EFNA5: variants seen among roughly 807,000 people sequenced by gnomAD.
EFNA5 encodes ephrin A5, also known as ephrin-A5.
EFNA5 carries 5 observed loss-of-function variants against 22.9 expected under a neutral mutation model. The observed-to-expected ratio is 0.22, with a 90% CI of 0.11 to 0.46. The LOEUF (loss-of-function observed/expected upper bound fraction) is 0.46, where lower values mean the gene tolerates loss of function less well. EFNA5 is among the 20% of genes least tolerant of loss of function. The pLI, the probability that EFNA5 is intolerant of heterozygous loss-of-function variation, is 0.99. For missense variants in EFNA5, 237 were observed against 293.3 expected (o/e 0.81, Z 1.40); for synonymous variants, 113 against 112.2 (o/e 1.01, Z -0.04).
At chr5:107,492,221 T>C (rs1241612712) in intron 1 of EFNA5, among the ~76,000 whole-genome samples, 2 of 152,322 alleles carry the variant, frequency 1.3e-5, no homozygotes, top group East Asian at 3.9e-4. Flanking sequence ...TTCAGTCTTA[T>C]AAAGTTACAA....
chr5:107,650,641 A>T (rs1007953779), intron 1 of EFNA5, among the ~76,000 whole-genome samples: 8 of 152,204 alleles, frequency 5.3e-5, no homozygotes, highest in African/African-American at 9.6e-5. Flanking sequence ...GTAAACCAAA[A>T]CTGACTTTAA....
chr5:107,595,136 T>G (rs576545919), intron 1 of EFNA5, among the ~76,000 whole-genome samples: 82 of 141,502 alleles, frequency 5.8e-4, no homozygotes, highest in African/African-American at 2.6e-3. Flanking sequence ...ACCTTTGGTT[T>G]AATTTTTTTT....
In EFNA5 at chr5:107,381,102, GTTGC is replaced by G. The variant is rs1471892018; in HGVS notation, c.*149_*152del. On this transcript the variant is annotated 3_prime_UTR_variant, in exon 5 of 5. Coordinates refer to ENST00000333274, the MANE Select transcript of EFNA5 (RefSeq NM_001962.3). ...AAGTTTAGGCCCCCAACCTGAAGTT[GTTGC>G]TTAGAATTCAGGCTGAAAGAAAGAA... 8.6e-7 allele frequency: 1 copy of G among 1,165,522 alleles called. No individual in the cohort carries two copies. The highest frequency in any genetic ancestry group is 2.5e-5 in the East Asian group (1 of 40,560). The allele number at this position is 1,165,522 out of a possible 1,614,324, so 72.2% of individuals were successfully genotyped here. A position where few individuals can be genotyped will look rare whatever the true frequency, so the allele number is the denominator to read the frequency against.
chr5:107,440,293 C>A (rs1372719053), intron 1 of EFNA5, among the ~76,000 whole-genome samples: 4 of 152,202 alleles, frequency 2.6e-5, no homozygotes, highest in Admixed American at 6.5e-5. Flanking sequence ...TACAATATTT[C>A]TACCTACTTA....
In EFNA5 at chr5:107,563,787, T is replaced by C. The variant is rs543449489; in HGVS notation, c.125+106702A>G. Among the ~76,000 whole-genome samples the C allele has an allele frequency of 2.0e-5, 3 of 152,272 alleles. No homozygotes were observed. The East Asian group carries it at 5.8e-4, about 29-fold the overall frequency. On this transcript the variant is annotated intron_variant, in intron 1 of 4. Transcript: ENST00000333274. ...GAGTCTCCTTGTATCTAAATTTACA[T>C]CCCTCTTGCTTGCACTGTGGCAGCA... is the stretch of plus-strand genomic sequence containing the variant.
intron 1 of EFNA5, among the ~76,000 whole-genome samples, chr5:107,434,844 T>C (rs141605038): frequency 4.9e-4 from 74 of 152,342 alleles, no homozygotes; most frequent in Admixed American, 1.6e-3. Flanking sequence ...TTTTAATCTG[T>C]CAAAGAGGTG....
chr5:107,537,030 A>G (rs1747944674), intron 1 of EFNA5, among the ~76,000 whole-genome samples: 1 of 151,626 alleles, frequency 6.6e-6, no homozygotes, highest in Non-Finnish European at 1.5e-5. Flanking sequence ...GCTTGAACCC[A>G]GGAGGCGGAG....
chr5:107,466,112 A>C (rs1477835547), intron 1 of EFNA5, among the ~76,000 whole-genome samples: 1 of 152,144 alleles, frequency 6.6e-6, no homozygotes, highest in Non-Finnish European at 1.5e-5. Context: ...AGCACTTTTC[A>C]TCACACCTTG....
At chr5:107,645,093 A>G (rs185054057) in intron 1 of EFNA5, among the ~76,000 whole-genome samples, 25 of 152,334 alleles carry the variant, frequency 1.6e-4, no homozygotes, top group Non-Finnish European at 2.8e-4. Context: ...TGCTGCACCT[A>G]TCAATCCATC....
At chr5:107,520,767 C>A (rs756373408) in intron 1 of EFNA5, among the ~76,000 whole-genome samples, 7 of 152,138 alleles carry the variant, frequency 4.6e-5, no homozygotes, top group Non-Finnish European at 7.4e-5. Context: ...ACCAGATCTG[C>A]CTTAAGCAGA....
chr5:107,491,402 C>T (rs1239858551), intron 1 of EFNA5, among the ~76,000 whole-genome samples: 1 of 152,172 alleles, frequency 6.6e-6, no homozygotes, highest in East Asian at 1.9e-4. Flanking sequence ...ACCTCTGCCT[C>T]CCGGGTTCAA....
chr5:107,633,177 T>C (rs1364231830), intron 1 of EFNA5, among the ~76,000 whole-genome samples: 1 of 152,206 alleles, frequency 6.6e-6, no homozygotes, highest in African/African-American at 2.4e-5. Context: ...TTATCCTTAA[T>C]ACCAATGGGG....
intron 1 of EFNA5, among the ~76,000 whole-genome samples, chr5:107,443,390 C>T (rs1348481494): frequency 6.6e-6 from 1 of 152,198 alleles, no homozygotes; most frequent in Non-Finnish European, 1.5e-5. Context: ...CACTTGCTGT[C>T]CTCTGACATG....
chr5:107,464,919 T>C (rs1366712209), intron 1 of EFNA5, among the ~76,000 whole-genome samples: 1 of 152,176 alleles, frequency 6.6e-6, no homozygotes, highest in Non-Finnish European at 1.5e-5. Context: ...CAGCCATCCC[T>C]CTGCCTGAAG....
intron 1 of EFNA5, among the ~76,000 whole-genome samples, chr5:107,640,215 C>T (rs1245800363): frequency 6.6e-6 from 1 of 152,020 alleles, no homozygotes; most frequent in African/African-American, 2.4e-5. Flanking sequence ...AACTAAAGTG[C>T]CCAGGAACAG....
At chr5:107,637,488 G>T (rs1010513515) in intron 1 of EFNA5, among the ~76,000 whole-genome samples, 1 of 150,832 alleles carries the variant, frequency 6.6e-6, no homozygotes, top group African/African-American at 2.4e-5. Flanking sequence ...AATATTCACA[G>T]CAAGGCACTG....
At position 107,446,207 on chromosome 5, in the gene EFNA5, T is replaced by C. The variant is rs185185657; in HGVS notation, c.126-18698A>G. On this transcript the variant is annotated intron_variant, in intron 1 of 4. Transcript: ENST00000333274. ...AATGATGACTAAAAGTACAGTGCTT[T>C]GTACAGTGCCTGACAAATGATTAAG... Among the ~76,000 whole-genome samples the C allele has an allele frequency of 1.1e-3, 174 of 152,326 alleles. 1 individual carries two copies. Among genetic ancestry groups the C allele is most frequent in the African/African-American group, 3.3e-3 (138 of 41,572 alleles).
intron 2 of EFNA5, among the ~76,000 whole-genome samples, chr5:107,413,795 G>A (rs1232183369): frequency 6.6e-6 from 1 of 152,152 alleles, no homozygotes; most frequent in Admixed American, 6.5e-5. Context: ...TACAGGTAAA[G>A]CAATGAGACA....
chr5:107,534,733 G>A (rs1160220677), intron 1 of EFNA5, among the ~76,000 whole-genome samples: 2 of 152,086 alleles, frequency 1.3e-5, no homozygotes, highest in Non-Finnish European at 2.9e-5. Flanking sequence ...ACTGAATTGG[G>A]GTGAAATGAA....
Sources: gnomAD v4.1 joint callset for allele counts (sites outside exome capture counted in the v4.1 genomes callset) on GRCh38, gnomAD v4.1.1 for gene constraint, MANE v1.5 for transcripts, NCBI Gene and HGNC (gene_info 2026-07-23, HGNC 2026-07-21) for gene names.